DIPK1A: variants seen among roughly 807,000 people sequenced by gnomAD.
DIPK1A encodes the protein divergent protein kinase domain 1A.
Under a neutral mutation model 40.8 loss-of-function variants are expected in DIPK1A, and 27 were observed. The ratio of observed to expected loss-of-function variants is 0.66; its 90% confidence interval spans 0.49 to 0.91. DIPK1A has a LOEUF of 0.91. Among genes scored for constraint, DIPK1A ranks in the 40% least tolerant of loss-of-function variants. The pLI is 0.00. For synonymous variants in DIPK1A, 166 were observed against 171.3 expected (o/e 0.97, Z 0.24); for missense variants, 412 against 505.7 (o/e 0.81, Z 1.78).
intron 4 of DIPK1A, chr1:92,836,261 G>T: frequency 6.2e-7 from 1 of 1,613,946 alleles, no homozygotes; most frequent in East Asian, 2.2e-5. Flanking sequence ...AATACAATGT[G>T]GAAAGCATTG....
At chr1:92,838,123 C>G (rs982159960), downstream of DIPK1A, among the ~76,000 whole-genome samples, 2 of 152,162 alleles carry the variant, frequency 1.3e-5, no homozygotes, top group African/African-American at 4.8e-5. Flanking sequence ...ATTCCTGACC[C>G]AGGTTCTTTT....
rs556901973 is a variant in DIPK1A at position 92,859,115 on chromosome 1, C to T, written c.190-8160G>A. On this transcript the variant is annotated intron_variant, in intron 2 of 4. Transcript: ENST00000370310. The stretch of plus-strand genomic sequence containing the variant: ...AATTTCATCAACTATGGAAACTATA[C>T]CACAAGGGGGCAATAACAATGAACA... Among the ~76,000 whole-genome samples, 3 of 152,244 alleles carry T rather than the reference C, an allele frequency of 2.0e-5. No individual in the cohort carries two copies. The East Asian group carries it at 5.8e-4, about 29-fold the overall frequency.
intron 2 of DIPK1A, among the ~76,000 whole-genome samples, chr1:92,875,293 G>T (rs1648065813): frequency 6.6e-6 from 1 of 151,996 alleles, no homozygotes; most frequent in Admixed American, 6.6e-5. Context: ...ATACACCACT[G>T]GCCTGGGTAA....
intron 1 of DIPK1A, among the ~76,000 whole-genome samples, chr1:92,884,628 G>C (rs184977650): frequency 6.6e-6 from 1 of 152,174 alleles, no homozygotes; most frequent in East Asian, 1.9e-4. Context: ...ATGCCACATT[G>C]GATCTAGTGC....
chr1:92,953,277 T>C (rs535023711), intron 1 of DIPK1A, among the ~76,000 whole-genome samples: 1 of 146,826 alleles, frequency 6.8e-6, no homozygotes, highest in South Asian at 2.1e-4. Flanking sequence ...GACGGGGATG[T>C]GGAAAAATTG....
At chr1:92,902,076 G>T (rs1224707943) in intron 1 of DIPK1A, among the ~76,000 whole-genome samples, 3 of 152,102 alleles carry the variant, frequency 2.0e-5, no homozygotes, top group Non-Finnish European at 4.4e-5. Flanking sequence ...GTTCTTGGAA[G>T]CCCAGGCACC....
chr1:92,884,846 C>T (rs2100790618), intron 1 of DIPK1A, among the ~76,000 whole-genome samples: 1 of 152,306 alleles, frequency 6.6e-6, no homozygotes, highest in South Asian at 2.1e-4. Flanking sequence ...TAAGGACTTA[C>T]AAGCTTATTA....
At chr1:92,957,751 T>C (rs1318504536) in intron 1 of DIPK1A, among the ~76,000 whole-genome samples, 2 of 152,260 alleles carry the variant, frequency 1.3e-5, no homozygotes, top group Admixed American at 6.5e-5. Flanking sequence ...ATAATTCACA[T>C]ATCCTACAAT....
At chr1:92,899,705 T>C (rs1390482396) in intron 1 of DIPK1A, among the ~76,000 whole-genome samples, 1 of 152,224 alleles carries the variant, frequency 6.6e-6, no homozygotes, top group African/African-American at 2.4e-5. Context: ...TCTTTTCTTG[T>C]TCTCCTTCAT....
intron 2 of DIPK1A, among the ~76,000 whole-genome samples, chr1:92,851,564 T>G (rs998477087): frequency 1.4e-4 from 5 of 36,108 alleles, no homozygotes; most frequent in Middle Eastern, 0.016. Flanking sequence ...AAAAAAAAAC[T>G]TCTGGTTTTA....
downstream of DIPK1A, chr1:92,841,691 T>C (rs564973166): frequency 2.1e-6 from 2 of 930,284 alleles, no homozygotes; most frequent in East Asian, 6.1e-5. Flanking sequence ...AAATTAAATT[T>C]TATTAAAATT....
intron 4 of DIPK1A, chr1:92,833,503 A>C (rs1485326686): frequency 1.2e-6 from 2 of 1,611,738 alleles, no homozygotes; most frequent in Non-Finnish European, 1.7e-6. Context: ...TGCTTTGCAG[A>C]TGCAGTGGAG....
intron 1 of DIPK1A, among the ~76,000 whole-genome samples, chr1:92,895,831 A>G (rs909717459): frequency 6.6e-6 from 1 of 152,138 alleles, no homozygotes; most frequent in African/African-American, 2.4e-5. Flanking sequence ...TCAATGTGCA[A>G]AAATAACAAG....
At chr1:92,944,925 C>T (rs545621328) in intron 1 of DIPK1A, among the ~76,000 whole-genome samples, 6 of 152,258 alleles carry the variant, frequency 3.9e-5, no homozygotes, top group African/African-American at 1.4e-4. Context: ...GGGTGAGCCA[C>T]TGTGCCTGGC....
chr1:92,853,024 AGAGT>A (rs1227080406), intron 2 of DIPK1A, among the ~76,000 whole-genome samples: 1 of 152,226 alleles, frequency 6.6e-6, no homozygotes. Flanking sequence ...CCTGGGTGAC[AGAGT>A]GAGACCCTGT....
intron 2 of DIPK1A, among the ~76,000 whole-genome samples, chr1:92,868,771 G>T (rs1359401825): frequency 6.6e-6 from 1 of 152,030 alleles, no homozygotes; most frequent in Non-Finnish European, 1.5e-5. Flanking sequence ...TTCGAGACCA[G>T]CCTGGCCAAC....
chr1:92,892,237 C>A (rs1017727195), intron 1 of DIPK1A, among the ~76,000 whole-genome samples: 3 of 152,076 alleles, frequency 2.0e-5, no homozygotes, highest in African/African-American at 4.8e-5. Context: ...TCCCGAGTAG[C>A]CTAACTGGGA....
chr1:92,898,438 T>C (rs1267300143), intron 1 of DIPK1A, among the ~76,000 whole-genome samples: 1 of 152,092 alleles, frequency 6.6e-6, no homozygotes, highest in Non-Finnish European at 1.5e-5. Flanking sequence ...CCATCTCCAA[T>C]AATGGGGATT....
At chr1:92,924,587 G>A (rs1469646134) in intron 1 of DIPK1A, among the ~76,000 whole-genome samples, 3 of 152,164 alleles carry the variant, frequency 2.0e-5, no homozygotes, top group East Asian at 1.9e-4. Context: ...ACAGCCCTCC[G>A]TATTTCTAGG....
Sources: gnomAD v4.1 joint callset for allele counts (sites outside exome capture counted in the v4.1 genomes callset) on GRCh38, gnomAD v4.1.1 for gene constraint, MANE v1.5 for transcripts, NCBI Gene and HGNC (gene_info 2026-07-23, HGNC 2026-07-21) for gene names.